CHRNA2: variants seen among roughly 807,000 people sequenced by gnomAD.
CHRNA2 encodes the protein neuronal acetylcholine receptor subunit alpha-2.
In CHRNA2, 40 loss-of-function variants were observed where a neutral mutation model predicts 45.5. The ratio of observed to expected loss-of-function variants is 0.88; its 90% confidence interval spans 0.68 to 1.15. CHRNA2 has a LOEUF of 1.15. Ranked by LOEUF, CHRNA2 falls within the 50% of genes most tolerant of loss-of-function variation. CHRNA2 has a pLI of 0.00. For synonymous variants in CHRNA2, 301 were observed against 296.7 expected, an observed-to-expected ratio of 1.01 and a Z score of -0.15; for missense variants, 655 against 701.7, an observed-to-expected ratio of 0.93 and a Z score of 0.75.
At chr8:27,476,766 A>G (rs1813071496) in intron 1 of CHRNA2, among the ~76,000 whole-genome samples, 1 of 152,218 alleles carries the variant, frequency 6.6e-6, no homozygotes, top group Non-Finnish European at 1.5e-5. Flanking sequence ...CTACTTTCAT[A>G]CAGGCGTGAA....
chr8:27,473,312 G>A (rs911428904), intron 1 of CHRNA2, among the ~76,000 whole-genome samples: 5 of 152,116 alleles, frequency 3.3e-5, no homozygotes, highest in African/African-American at 4.8e-5. Flanking sequence ...CACACTGTTC[G>A]AATTGTACTA....
At position 27,463,450 on chromosome 8, in the gene CHRNA2, G is replaced by A; in HGVS notation, c.993C>T (p.Tyr331=). ...TGACGAAGATCATGGTGAACAGCAGGTACTCGCCGATGAGCGGGATGACCA... is the reference window on the plus strand; with the variant it reads ...TGACGAAGATCATGGTGAACAGCAGATACTCGCCGATGAGCGGGATGACCA... ...TSLVIPLIGE[Y]LLFTMIFVTL... is the part of the protein sequence containing the mutation. The change falls in exon 6 of 7, where the codon TAC becomes TAT. Residue 331 remains tyrosine (Y), a synonymous_variant. Transcript: ENST00000407991. The surrounding 1 kb of genome is among the most constrained non-coding windows in gnomAD (Gnocchi z 6.1). 6.2e-7 allele frequency: 1 copy of A among 1,614,204 alleles called. No homozygotes were observed. Among genetic ancestry groups the A allele is most frequent in the Non-Finnish European group, 8.5e-7 (1 of 1,180,036 alleles).
Position 27,466,867 on chromosome 8 carries a change from C to T in CHRNA2, c.449+362G>A, listed in dbSNP as rs772983625. Among the ~76,000 whole-genome samples the T allele has an allele frequency of 6.4e-4, 97 of 152,266 alleles. 2 individuals are homozygous for T. Among genetic ancestry groups the T allele is most frequent in the Non-Finnish European group, 1.6e-4 (11 of 68,008 alleles). On this transcript the variant is annotated intron_variant, in intron 5 of 6. Transcript: ENST00000407991. ...CACATGCCCTTTGAAGGTGCTGGCC[C>T]GATGCTGCCTGCCTGTCTGAACAAC...
chr8:27,476,616 T>C (rs1243967745), intron 1 of CHRNA2, among the ~76,000 whole-genome samples: 1 of 152,262 alleles, frequency 6.6e-6, no homozygotes, highest in African/African-American at 2.4e-5. Flanking sequence ...GTCTCTTGTC[T>C]CTTTCATCCT....
At chr8:27,472,895 CAG>C (rs2132674324) in intron 1 of CHRNA2, among the ~76,000 whole-genome samples, 1 of 152,250 alleles carries the variant, frequency 6.6e-6, no homozygotes, top group East Asian at 1.9e-4. Flanking sequence ...ACTGTGGTGA[CAG>C]TGATATTTGC....
chr8:27,474,088 A>G (rs193202117), intron 1 of CHRNA2, among the ~76,000 whole-genome samples: 2 of 152,288 alleles, frequency 1.3e-5, no homozygotes, highest in Admixed American at 1.3e-4. Flanking sequence ...TGTGCCCATG[A>G]AAGTCCCCGG....
chr8:27,464,877 G>A (rs1812649780), intron 5 of CHRNA2, among the ~76,000 whole-genome samples: 1 of 152,188 alleles, frequency 6.6e-6, no homozygotes, highest in Admixed American at 6.5e-5. Context: ...AAGGAGCCAT[G>A]AGGAGATGAG....
At chr8:27,467,475 T>G in intron 4 of CHRNA2, 137 bp from the exon 5 acceptor site, 1 of 665,574 alleles carries the variant, frequency 1.5e-6, no homozygotes, top group Non-Finnish European at 2.7e-6. Context: ...CAGCCCAGAA[T>G]AGTGGAGGGA....
intron 5 of CHRNA2, among the ~76,000 whole-genome samples, chr8:27,466,444 G>A (rs1298360423): frequency 1.3e-5 from 2 of 152,074 alleles, no homozygotes; most frequent in Non-Finnish European, 2.9e-5. Flanking sequence ...CTTGGGTGGG[G>A]ATGGGGGTGG....
chr8:27,461,428 C>A lies in CHRNA2; in HGVS notation c.*201G>T, dbSNP rs1812481659. The A allele has an allele frequency of 1.4e-6, 1 of 703,330 alleles. No individual in the cohort carries two copies. The highest frequency in any genetic ancestry group is 2.8e-5 in the East Asian group (1 of 35,812). 43.6% of individuals were successfully genotyped at this position (703,330 alleles called of 1,614,324 possible). A position where few individuals can be genotyped will look rare whatever the true frequency, so the allele number is the denominator to read the frequency against. On this transcript the variant is annotated 3_prime_UTR_variant, in exon 7 of 7. Transcript: ENST00000407991. The stretch of plus-strand genomic sequence containing the variant: ...TTCCCCAGCTCCTCCGTATCCAAAA[C>A]AGGGCTTTGCACCCAGCAGGCTGTC...
chr8:27,467,381 G>T (rs1384698611), intron 4 of CHRNA2, 43 bp from the exon 5 acceptor site: 2 of 1,481,278 alleles, frequency 1.4e-6, no homozygotes, highest in Non-Finnish European at 1.9e-6. Flanking sequence ...CTTCCAGGGA[G>T]CAGCCTAGGG....
chr8:27,469,559 T>G, intron 3 of CHRNA2, 180 bp from the exon 4 acceptor site: 2 of 852,130 alleles, frequency 2.3e-6, no homozygotes, highest in South Asian at 2.9e-5. Context: ...CAGGCACTGC[T>G]GCCAATCAAT....
intron 1 of CHRNA2, among the ~76,000 whole-genome samples, chr8:27,476,584 A>C (rs2132682969): frequency 6.6e-6 from 1 of 152,306 alleles, no homozygotes; most frequent in South Asian, 2.1e-4. Flanking sequence ...TGACAATCAC[A>C]AAGCTGCCTT....
chr8:27,471,199 G>A lies in CHRNA2; in HGVS notation c.-136-5C>T. 2 of 760,808 alleles carry A rather than the reference G, an allele frequency of 2.6e-6. No homozygotes were observed. Among genetic ancestry groups the A allele is most frequent in the Non-Finnish European group, 4.6e-6 (2 of 434,820 alleles). 47.1% of individuals were successfully genotyped at this position (760,808 alleles called of 1,614,324 possible). The stretch of plus-strand genomic sequence containing the variant: ...GGCTTCCTCTCACCACCGAACCTGA[G>A]CAAGCCCAAGAAAGGGCTCTTAGGG... On this transcript the variant is annotated splice_polypyrimidine_tract_variant and splice_region_variant and intron_variant, in intron 1 of 6. Transcript: ENST00000407991.
intron 1 of CHRNA2, among the ~76,000 whole-genome samples, chr8:27,471,964 A>C (rs7828503): frequency 0.044 from 6,645 of 152,204 alleles, 461 homozygotes; most frequent in African/African-American, 0.15. Context: ...AGGAGAGGAG[A>C]TAAAGGTTAA....
rs373912586 is a variant in CHRNA2 at position 27,463,012 on chromosome 8, G to A, written c.1431C>T (p.Ala477=). 95 of 1,613,966 alleles carry A rather than the reference G, an allele frequency of 5.9e-5. No homozygotes were observed. The highest frequency in any genetic ancestry group is 6.3e-5 in the Non-Finnish European group (74 of 1,180,034). ...QKALEGVHYI[A]DHLRSEDADS... ...CAGCATCCTCAGACCGCAGGTGGTCGGCAATGTAGTGCACACCTTCCAGTG... is the reference window on the plus strand; with the variant it reads ...CAGCATCCTCAGACCGCAGGTGGTCAGCAATGTAGTGCACACCTTCCAGTG... Residue 477 remains alanine, a synonymous_variant, in exon 6 of 7, where the codon GCC becomes GCT. Transcript: ENST00000407991. The surrounding 1 kb of genome is among the most constrained non-coding windows in gnomAD (Gnocchi z 6.1).
In CHRNA2 at chr8:27,479,246, TCTCA is replaced by T. The variant is rs987477746; in HGVS notation, c.-563_-560del. The T allele has an allele frequency of 2.1e-5, 3 of 143,712 alleles. No homozygotes were observed. The highest frequency in any genetic ancestry group is 4.6e-5 in the Non-Finnish European group (3 of 65,628). 8.9% of individuals were successfully genotyped at this position (143,712 alleles called of 1,614,324 possible). On this transcript the variant is annotated 5_prime_UTR_variant, in exon 1 of 7. Coordinates refer to ENST00000407991, the MANE Select transcript of CHRNA2 (RefSeq NM_000742.4). ...ACAGGCTCACGCTGTTCTCTCTCTCTCTCACACACACACACACATACACACACAC... is the reference window on the plus strand; with the variant it reads ...ACAGGCTCACGCTGTTCTCTCTCTCTCACACACACACACATACACACACAC...
In CHRNA2 at chr8:27,463,163, C is replaced by G; in HGVS notation, c.1280G>C (p.Gly427Ala). ...VEEEDRWACA[G>A]HVAPSVGTLC... is the part of the protein sequence containing the mutation. ...GGTGCCCACAGAGGGGGCCACATGACCTGCACATGCCCATCTGTCCTCCTC... is the reference window on the plus strand; with the variant it reads ...GGTGCCCACAGAGGGGGCCACATGAGCTGCACATGCCCATCTGTCCTCCTC... The change falls in exon 6 of 7, where the codon GGT becomes GCT. Residue 427 changes from glycine (G) to alanine (A), a missense_variant. By Grantham distance (60) the Gly-to-Ala change is moderately conservative. Transcript: ENST00000407991. This position sits in a 1 kb window ranked among gnomAD's most constrained non-coding sequence, Gnocchi z 6.1. 1 of 1,597,170 alleles carries G rather than the reference C, an allele frequency of 6.3e-7. No individual in the cohort carries two copies. Among genetic ancestry groups the G allele is most frequent in the African/African-American group, 1.3e-5 (1 of 74,802 alleles).
Position 27,469,661 on chromosome 8 carries a change from G to A in CHRNA2, c.294+100C>T, listed in dbSNP as rs116459673. ...CCCAACCCCACCCCAAGTCACTGCTGTGCGTGAGGGCAGGGCTGGGGTAGA... is the reference window on the plus strand; with the variant it reads ...CCCAACCCCACCCCAAGTCACTGCTATGCGTGAGGGCAGGGCTGGGGTAGA... On this transcript the variant is annotated intron_variant, in intron 3 of 6. Coordinates refer to ENST00000407991, the MANE Select transcript of CHRNA2 (RefSeq NM_000742.4). 9.4e-4 allele frequency: 1,352 copies of A among 1,437,500 alleles called. 9 individuals carry two copies. In the African/African-American group the frequency reaches 0.014, roughly 15 times the overall value. 89.0% of individuals were successfully genotyped at this position (1,437,500 alleles called of 1,614,324 possible).
Sources: allele counts gnomAD v4.1 joint callset (sites outside exome capture counted in the v4.1 genomes callset), GRCh38; gene constraint gnomAD v4.1.1; non-coding constraint Gnocchi (gnomAD v3.1); transcripts MANE v1.5; gene names NCBI Gene and HGNC (gene_info 2026-07-23, HGNC 2026-07-21).